SKIL: variants seen among roughly 807,000 people sequenced by gnomAD.
SKIL encodes the protein ski-like protein.
A neutral mutation model predicts 69.6 loss-of-function variants in SKIL; 20 were observed. The ratio of observed to expected loss-of-function variants is 0.29; its 90% CI spans 0.20 to 0.42. SKIL has a LOEUF of 0.42. SKIL is among the 10% of genes least tolerant of loss of function. SKIL has a pLI of 1.00. For synonymous variants in SKIL, 310 were observed against 279.9 expected (o/e 1.11, Z -1.08); for missense variants, 745 against 783.1 (o/e 0.95, Z 0.58).
intron 2 of SKIL, among the ~76,000 whole-genome samples, chr3:170,376,602 G>C (rs914840379): frequency 5.9e-5 from 9 of 151,970 alleles, no homozygotes; most frequent in African/African-American, 2.2e-4. Flanking sequence ...ACGAGACAGG[G>C]TCTGGCTCTG....
intron 2 of SKIL, among the ~76,000 whole-genome samples, chr3:170,376,795 CA>C (rs144712219): frequency 0.017 from 2,636 of 152,120 alleles, 54 homozygotes; most frequent in East Asian, 0.093. Context: ...AGGCCAGTCT[CA>C]AACTCCTGAG....
At position 170,390,197 on chromosome 3, in the gene SKIL, T is replaced by C. The variant is rs777658566; in HGVS notation, c.1430-26T>C. ...TTTTAATGGAGTGATATTCATACTT[T>C]GTTACTTGATTTTTTTCTCTCCAAG... On this transcript the variant is annotated intron_variant, in intron 4 of 6. Coordinates refer to ENST00000259119, the MANE Select transcript of SKIL (RefSeq NM_005414.5). 3.2e-6 allele frequency: 5 copies of C among 1,550,362 alleles called. No individual in the cohort carries two copies. The East Asian group carries it at 1.1e-4, about 35-fold the overall frequency.
chr3:170,357,995 G>A (rs892357730), intron 1 of SKIL: 1 of 152,362 alleles, frequency 6.6e-6, no homozygotes, highest in African/African-American at 2.4e-5. Flanking sequence ...CGCTTCGTTG[G>A]CCCCAGGCGG....
intron 2 of SKIL, among the ~76,000 whole-genome samples, chr3:170,369,438 G>C (rs1353500673): frequency 6.6e-6 from 1 of 151,934 alleles, no homozygotes; most frequent in Non-Finnish European, 1.5e-5. Context: ...TTTTGCTCTT[G>C]TAGCTCAGGC....
At chr3:170,368,570 C>T (rs1380837286) in intron 2 of SKIL, among the ~76,000 whole-genome samples, 1 of 152,062 alleles carries the variant, frequency 6.6e-6, no homozygotes, top group African/African-American at 2.4e-5. Context: ...AGTTAAGAGC[C>T]TTTACTGCAG....
rs59222162 is a variant in SKIL, at chr3:170,365,752, CTTTTTT to C, written c.1098+4339_1098+4344del. On this transcript the variant is annotated intron_variant, in intron 2 of 6. Transcript: ENST00000259119. ...GCTCATTTTAAAAAGTCAAACTAGG[CTTTTTT>C]TTTTTTTTTTTTTTTGAGATGGAGT... 1.8e-3 allele frequency among the ~76,000 whole-genome samples: 187 copies of C among 106,442 alleles called. 3 individuals are homozygous for C. Among genetic ancestry groups the C allele is most frequent in the African/African-American group, 4.9e-3 (124 of 25,214 alleles). The allele number at this position is 106,442 out of a possible 152,430, so 69.8% of individuals were successfully genotyped here. A position where few individuals can be genotyped will look rare whatever the true frequency, so the allele number is the denominator to read the frequency against.
chr3:170,361,089 C>G lies in SKIL; in HGVS notation c.758C>G (p.Ala253Gly). 1.9e-6 allele frequency: 3 copies of G among 1,614,232 alleles called. No individual in the cohort carries two copies. The highest frequency in any genetic ancestry group is 2.5e-6 in the Non-Finnish European group (3 of 1,180,042). ...GSVLPAKSSLAQLKETGSAFE... is the reference protein window; with the variant it reads ...GSVLPAKSSLGQLKETGSAFE... ...GTACTTCCTGCTAAAAGCTCATTGG[C>G]CCAGTTAAAGGAAACTGGCAGTGCC... The change falls in exon 2 of 7, where the codon GCC becomes GGC. Residue 253 changes from alanine to glycine, a missense_variant. Transcript: ENST00000259119.
Position 170,370,450 on chromosome 3 carries a change from C to A in SKIL, c.1098+9021C>A, listed in dbSNP as rs896972823. Among the ~76,000 whole-genome samples, 36 of 44,820 alleles carry A rather than the reference C, an allele frequency of 8.0e-4. 8 individuals are homozygous for A. The highest frequency in any genetic ancestry group is 1.8e-3 in the African/African-American group (29 of 16,170). 29.4% of individuals were successfully genotyped at this position (44,820 alleles called of 152,430 possible). A position where few individuals can be genotyped will look rare whatever the true frequency, so the allele number is the denominator to read the frequency against. On this transcript the variant is annotated intron_variant, in intron 2 of 6. Coordinates refer to ENST00000259119, the MANE Select transcript of SKIL (RefSeq NM_005414.5). The stretch of plus-strand genomic sequence containing the variant: ...GAGAGAGAGAGAGAGCCCCCCCCCC[C>A]CCCCCGAGCAGGAGTTCATCTTATA...
chr3:170,360,541 G>A lies in SKIL; in HGVS notation c.210G>A (p.Lys70=). Residue 70 remains lysine, a synonymous_variant, in exon 2 of 7, where the codon AAG becomes AAA. Coordinates refer to ENST00000259119, the MANE Select transcript of SKIL (RefSeq NM_005414.5). The part of the protein sequence containing the change: ...APVETDGEHV[K]RTCTSVPETL... Reference sequence around the variant, plus strand: ...TGGAAACTGATGGAGAGCATGTTAAGCGAACCTGTACTTCTGTTCCTGAAA... The same window carrying A: ...TGGAAACTGATGGAGAGCATGTTAAACGAACCTGTACTTCTGTTCCTGAAA... 2 of 1,614,228 alleles carry A rather than the reference G, an allele frequency of 1.2e-6. No homozygotes were observed. The highest frequency in any genetic ancestry group is 1.1e-5 in the South Asian group (1 of 91,088).
At position 170,360,130 on chromosome 3, in the gene SKIL, GA is replaced by G. The variant is rs2108889743; in HGVS notation, c.-201del. On this transcript the variant is annotated 5_prime_UTR_variant, in exon 2 of 7. Coordinates refer to ENST00000259119, the MANE Select transcript of SKIL (RefSeq NM_005414.5). ...AGAGGCAAAACGAACAATTTTATAG[GA>G]TTTGTAGTGAAATTATACCAGATTA... is the stretch of plus-strand genomic sequence containing the variant. 4.1e-6 allele frequency: 2 copies of G among 484,506 alleles called. No homozygotes were observed. Among genetic ancestry groups the G allele is most frequent in the East Asian group, 6.7e-5 (2 of 30,064 alleles). 30.0% of individuals were successfully genotyped at this position (484,506 alleles called of 1,614,324 possible).
At chr3:170,362,073 G>A (rs903859048) in intron 2 of SKIL, among the ~76,000 whole-genome samples, 4 of 152,106 alleles carry the variant, frequency 2.6e-5, no homozygotes, top group Non-Finnish European at 4.4e-5. Context: ...ATGTTTCTAT[G>A]TTTGGATATT....
intron 2 of SKIL, among the ~76,000 whole-genome samples, chr3:170,376,042 CTTTTTTTTTTT>C (rs869036195): frequency 5.6e-5 from 5 of 89,134 alleles, no homozygotes; most frequent in African/African-American, 9.1e-5. Flanking sequence ...GCTGATTTTC[CTTTTTTTTTTT>C]TTTTTTTTTT....
rs756931214 is a variant in SKIL, at chr3:170,391,066, A to C, written c.1702A>C (p.Met568Leu). 2 of 1,594,424 alleles carry C rather than the reference A, an allele frequency of 1.3e-6. No homozygotes were observed. The highest frequency in any genetic ancestry group is 1.7e-6 in the Non-Finnish European group (2 of 1,163,306). The change falls in exon 6 of 7, where the codon ATG becomes CTG. Residue 568 changes from methionine to leucine, a missense_variant. Met to Leu is a conservative substitution (Grantham distance 15, BLOSUM62 2). Coordinates refer to ENST00000259119, the MANE Select transcript of SKIL (RefSeq NM_005414.5). ...AAAAATGTTGAGTAGTTCAAAATCT[A>C]TGAAGGAACTCACTGAAGAACAGCA... ...EVKMLSSSKS[M>L]KELTEEQQNL...
At chr3:170,361,502 A>G (rs935571937) in intron 2 of SKIL, 73 bp downstream of exon 2, 3 of 1,126,100 alleles carry the variant, frequency 2.7e-6, no homozygotes, top group Non-Finnish European at 1.3e-6. Flanking sequence ...TTTAGTGTGT[A>G]ACTTAACCTG....
chr3:170,387,118 A>G (rs1262873223), intron 4 of SKIL, among the ~76,000 whole-genome samples: 1 of 151,816 alleles, frequency 6.6e-6, no homozygotes, highest in African/African-American at 2.4e-5. Context: ...CCCGGGTTCA[A>G]GCGATTCTCC....
chr3:170,363,719 G>A (rs1020679604), intron 2 of SKIL, among the ~76,000 whole-genome samples: 4 of 151,940 alleles, frequency 2.6e-5, no homozygotes, highest in South Asian at 4.1e-4. Flanking sequence ...TCCTGACCTC[G>A]GGTGATCCAC....
At chr3:170,373,764 G>A (rs750072818) in intron 2 of SKIL, among the ~76,000 whole-genome samples, 3 of 152,278 alleles carry the variant, frequency 2.0e-5, no homozygotes, top group Admixed American at 6.5e-5. Flanking sequence ...GGTGGCATGG[G>A]CCAATAGTCC....
intron 4 of SKIL, among the ~76,000 whole-genome samples, chr3:170,386,352 A>T (rs2108220697): frequency 6.7e-6 from 1 of 149,482 alleles, no homozygotes; most frequent in East Asian, 2.0e-4. Flanking sequence ...CTGGTCTCGA[A>T]CTCCTGACCT....
At chr3:170,381,502 G>A (rs192379865) in intron 3 of SKIL, among the ~76,000 whole-genome samples, 161 bp downstream of exon 3, 74 of 152,112 alleles carry the variant, frequency 4.9e-4, no homozygotes, top group African/African-American at 1.7e-3. Context: ...GCGCGATCTC[G>A]TCTCATTGCA....
Sources: gnomAD v4.1 joint callset for allele counts (sites outside exome capture counted in the v4.1 genomes callset) on GRCh38, gnomAD v4.1.1 for gene constraint, MANE v1.5 for transcripts, NCBI Gene and HGNC (gene_info 2026-07-23, HGNC 2026-07-21) for gene names.